Variants in BHMT observed in about 807,000 individuals in gnomAD.
The protein encoded by BHMT is betaine--homocysteine S-methyltransferase 1.
Under a neutral mutation model 49.5 loss-of-function variants are expected in BHMT, and 38 were observed. That is an observed-to-expected ratio of 0.77 (90% CI 0.59 to 1.01). The LOEUF (loss-of-function observed/expected upper bound fraction) is 1.01, where lower values mean the gene tolerates loss of function less well. BHMT is among the 50% of genes least tolerant of loss of function. The probability of loss-of-function intolerance (pLI) is 0.00; values close to 1 mark genes in which losing one functional copy is unlikely to be tolerated. For missense variants in BHMT, 426 were observed against 495.7 expected (o/e 0.86, Z 1.34); for synonymous variants, 166 against 176.3 (o/e 0.94, Z 0.46).
rs1420144100 is a variant in BHMT at position 79,115,817 on chromosome 5, GT to G, written c.87del (p.Phe29LeufsTer11). ...GAGAGATTGTGATTGGAGATGGAGGGTTTGTCTTTGCACTGGAGAAGAGGGG... is the reference window on the plus strand; with the variant it reads ...GAGAGATTGTGATTGGAGATGGAGGGTTGTCTTTGCACTGGAGAAGAGGGG... ...AGEIVIGDGGFVFALEKRGYV... is the reference protein window; with the variant it reads ...AGEIVIGDGGXVFALEKRGYV... On this transcript the variant is annotated frameshift_variant, in exon 2 of 8. Transcript: ENST00000274353. LOFTEE classifies it high-confidence loss of function. The G allele has an allele frequency of 6.8e-6, 11 of 1,613,904 alleles. No homozygotes were observed. Among genetic ancestry groups the G allele is most frequent in the Non-Finnish European group, 9.3e-6 (11 of 1,179,940 alleles).
intron 5 of BHMT, among the ~76,000 whole-genome samples, chr5:79,125,244 T>G (rs933267025): frequency 6.6e-6 from 1 of 151,738 alleles, no homozygotes. Context: ...GATCACAAGG[T>G]CAGGAGATGG....
intron 7 of BHMT, among the ~76,000 whole-genome samples, chr5:79,130,032 T>C (rs1188708026): frequency 1.3e-5 from 2 of 152,076 alleles, no homozygotes; most frequent in Non-Finnish European, 2.9e-5. Flanking sequence ...ATTTTGTACC[T>C]ATGTGGTGGC....
intron 4 of BHMT, among the ~76,000 whole-genome samples, chr5:79,121,015 G>T (rs1179927687): frequency 1.3e-5 from 2 of 152,142 alleles, no homozygotes; most frequent in African/African-American, 2.4e-5. Context: ...GCCAGGCGTG[G>T]TGGCGGGCGC....
chr5:79,115,254 G>T lies in BHMT; in HGVS notation c.34-513G>T, dbSNP rs368437596. On this transcript the variant is annotated intron_variant, in intron 1 of 7. Coordinates refer to ENST00000274353, the MANE Select transcript of BHMT (RefSeq NM_001713.3). The stretch of plus-strand genomic sequence containing the variant: ...AGGGTGAGACTGGAGGATCTTCTGA[G>T]CCCAGGAGTTCAAGTTCCTCTGGGC... Among the ~76,000 whole-genome samples the T allele has an allele frequency of 3.6e-3, 549 of 151,338 alleles. 5 individuals are homozygous for T. Among genetic ancestry groups the T allele is most frequent in the African/African-American group, 0.012 (500 of 41,150 alleles).
chr5:79,112,415 C>G (rs1233946726), intron 1 of BHMT, among the ~76,000 whole-genome samples: 1 of 152,224 alleles, frequency 6.6e-6, no homozygotes, highest in African/African-American at 2.4e-5. Flanking sequence ...CCGCGAGCGC[C>G]CTCTGCACCC....
intron 5 of BHMT, among the ~76,000 whole-genome samples, chr5:79,124,928 C>CT (rs1462939278): frequency 1.3e-5 from 2 of 152,122 alleles, no homozygotes; most frequent in Admixed American, 6.5e-5. Context: ...GTCTAAAAAA[C>CT]TTTTTTCTAA....
chr5:79,112,586 C>G (rs1756320054), intron 1 of BHMT, among the ~76,000 whole-genome samples: 3 of 152,224 alleles, frequency 2.0e-5, no homozygotes, highest in Admixed American at 2.0e-4. Context: ...AATTTGATGT[C>G]CGTGATGACA....
At position 79,131,199 on chromosome 5, in the gene BHMT, G is replaced by A. The variant is rs997757434; in HGVS notation, c.*83G>A. 1 of 1,352,524 alleles carries A rather than the reference G, an allele frequency of 7.4e-7. No homozygotes were observed. The highest frequency in any genetic ancestry group is 1.0e-6 in the Non-Finnish European group (1 of 983,170). The allele number at this position is 1,352,524 out of a possible 1,614,324, so 83.8% of individuals were successfully genotyped here. A position where few individuals can be genotyped will look rare whatever the true frequency, so the allele number is the denominator to read the frequency against. ...ATACGGAAAAGGGGGTTAAAAAGCA[G>A]TGCTTTCATGAATGCCATCCTACAC... On this transcript the variant is annotated 3_prime_UTR_variant, in exon 8 of 8. Coordinates refer to ENST00000274353, the MANE Select transcript of BHMT (RefSeq NM_001713.3).
intron 5 of BHMT, among the ~76,000 whole-genome samples, chr5:79,125,395 G>A (rs1425233207): frequency 4.0e-5 from 6 of 149,936 alleles, no homozygotes; most frequent in Non-Finnish European, 3.0e-5. Flanking sequence ...AGCAGAGGCT[G>A]TGGTGAGCTG....
At chr5:79,119,082 G>A (rs1288779391) in intron 2 of BHMT, among the ~76,000 whole-genome samples, 177 bp from the exon 3 acceptor site, 2 of 152,146 alleles carry the variant, frequency 1.3e-5, no homozygotes, top group East Asian at 3.9e-4. Flanking sequence ...AGTCATAGCA[G>A]GTTCACAGGA....
intron 2 of BHMT, among the ~76,000 whole-genome samples, chr5:79,117,064 C>G (rs1756396607): frequency 6.6e-6 from 1 of 152,146 alleles, no homozygotes; most frequent in African/African-American, 2.4e-5. Flanking sequence ...CCAGGTGACT[C>G]TAAGATGGAT....
In BHMT at chr5:79,131,504, T is replaced by TA. The variant is rs748569002; in HGVS notation, c.*389dup. On this transcript the variant is annotated 3_prime_UTR_variant, in exon 8 of 8. Coordinates refer to ENST00000274353, the MANE Select transcript of BHMT (RefSeq NM_001713.3). ...AACCAGCCAGGGACAGATAAAGCGC[T>TA]ATGGAAAGGGGCTTCCAAGTTCTTT... 1.4e-4 allele frequency: 22 copies of TA among 157,204 alleles called. No homozygotes were observed. Among genetic ancestry groups the TA allele is most frequent in the Admixed American group, 3.9e-4 (6 of 15,464 alleles). The allele number at this position is 157,204 out of a possible 1,614,324, so 9.7% of individuals were successfully genotyped here. A position where few individuals can be genotyped will look rare whatever the true frequency, so the allele number is the denominator to read the frequency against.
At chr5:79,126,023 T>C in intron 5 of BHMT, 23 bp from the exon 6 acceptor site, 4 of 1,584,610 alleles carry the variant, frequency 2.5e-6, no homozygotes, top group South Asian at 2.2e-5. Flanking sequence ...TCCCTAAGTC[T>C]ATCATGTTCT....
chr5:79,111,829 G>A lies in BHMT; in HGVS notation c.-57G>A, dbSNP rs1756303666. On this transcript the variant is annotated 5_prime_UTR_variant, in exon 1 of 8. Transcript: ENST00000274353. ...GGAGCAGCTCGGGGCTGCGCAGCGG[G>A]AAGGCTCGCCTAGTCGGTCCGCATC... is the stretch of plus-strand genomic sequence containing the variant. 3.7e-6 allele frequency: 6 copies of A among 1,606,726 alleles called. No homozygotes were observed. Among genetic ancestry groups the A allele is most frequent in the Non-Finnish European group, 5.1e-6 (6 of 1,176,738 alleles).
At chr5:79,116,059 T>G (rs1756382676) in intron 2 of BHMT, 160 bp downstream of exon 2, 1 of 884,790 alleles carries the variant, frequency 1.1e-6, no homozygotes, top group East Asian at 3.2e-5. Context: ...TCTCAGAAGT[T>G]TTTTAAAAAT....
At chr5:79,128,153 G>A in intron 7 of BHMT, 170 bp downstream of exon 7, 2 of 895,696 alleles carry the variant, frequency 2.2e-6, no homozygotes, top group Non-Finnish European at 3.3e-6. Context: ...TCTGGAGATT[G>A]TTTTAAGAAT....
chr5:79,111,818 C>T lies in BHMT; in HGVS notation c.-68C>T. 1.3e-6 allele frequency: 2 copies of T among 1,598,898 alleles called. No individual in the cohort carries two copies. The highest frequency in any genetic ancestry group is 2.3e-5 in the East Asian group (1 of 43,922). ...GCTGCGGACTCGGAGCAGCTCGGGG[C>T]TGCGCAGCGGGAAGGCTCGCCTAGT... On this transcript the variant is annotated 5_prime_UTR_variant, in exon 1 of 8. Coordinates refer to ENST00000274353, the MANE Select transcript of BHMT (RefSeq NM_001713.3).
intron 1 of BHMT, among the ~76,000 whole-genome samples, chr5:79,114,161 T>C (rs1003948589): frequency 1.3e-4 from 19 of 150,154 alleles, no homozygotes; most frequent in Admixed American, 2.0e-4. Context: ...ATAATCAAAG[T>C]TGCAGTTTTC....
intron 6 of BHMT, 59 bp downstream of exon 6, chr5:79,126,287 A>C: frequency 1.6e-5 from 25 of 1,556,162 alleles, no homozygotes; most frequent in Non-Finnish European, 2.1e-5. Flanking sequence ...ATATAAACTC[A>C]AGTAAATCTA....
Sources: gnomAD v4.1 joint callset for allele counts (sites outside exome capture counted in the v4.1 genomes callset) on GRCh38, gnomAD v4.1.1 for gene constraint, MANE v1.5 for transcripts, NCBI Gene and HGNC (gene_info 2026-07-23, HGNC 2026-07-21) for gene names.